Variants in ARFGEF1 observed in about 807,000 individuals in gnomAD.
ARFGEF1 encodes ARF guanine nucleotide exchange factor 1, also known as brefeldin A-inhibited guanine nucleotide-exchange protein 1.
A neutral mutation model predicts 231.0 loss-of-function variants in ARFGEF1; 42 were observed. The observed-to-expected ratio is 0.18, with a 90% CI of 0.14 to 0.24. The LOEUF (loss-of-function observed/expected upper bound fraction) is 0.24, where lower values mean the gene tolerates loss of function less well. Ranked by LOEUF, ARFGEF1 falls within the 10% of genes least tolerant of loss-of-function variation. ARFGEF1 has a pLI of 1.00. For synonymous variants in ARFGEF1, 710 were observed against 732.3 expected, an observed-to-expected ratio of 0.97 and a Z score of 0.49; for missense variants, 1,345 against 2,192.0, an observed-to-expected ratio of 0.61 and a Z score of 7.72.
Position 67,343,349 on chromosome 8 carries a change from A to G in ARFGEF1, c.-62T>C, listed in dbSNP as rs976928067. On this transcript the variant is annotated 5_prime_UTR_variant, in exon 1 of 39. Coordinates refer to ENST00000262215, the MANE Select transcript of ARFGEF1 (RefSeq NM_006421.5). ...CGGCTCCCAGCGGCTGGAGGGGAGG[A>G]GGAGGAGAGGAAGGAAGAGAAGAGA... 6.6e-7 allele frequency: 1 copy of G among 1,525,176 alleles called. No individual in the cohort carries two copies. Among genetic ancestry groups the G allele is most frequent in the Non-Finnish European group, 8.9e-7 (1 of 1,126,566 alleles). The allele number at this position is 1,525,176 out of a possible 1,614,324, so 94.5% of individuals were successfully genotyped here.
chr8:67,236,145 C>CA lies in ARFGEF1; in HGVS notation c.3289+2197dup, dbSNP rs745626401. 2.3e-4 allele frequency among the ~76,000 whole-genome samples: 34 copies of CA among 149,800 alleles called. 1 individual carries two copies. The East Asian group carries it at 2.4e-3, about 10-fold the overall frequency. On this transcript the variant is annotated intron_variant, in intron 22 of 38. Transcript: ENST00000262215. The stretch of plus-strand genomic sequence containing the variant: ...CCCTGTCTCTACTAAAACAAACAAA[C>CA]AAACAAACAAACAACAAAAAAAATT...
At chr8:67,323,250 TCAA>T (rs112920519) in intron 1 of ARFGEF1, among the ~76,000 whole-genome samples, 232 of 151,990 alleles carry the variant, frequency 1.5e-3, no homozygotes, top group East Asian at 7.1e-3. Context: ...AGACTCCATC[TCAA>T]CAACAACAAC....
intron 25 of ARFGEF1, 100 bp from the exon 26 acceptor site, chr8:67,227,698 T>C (rs1383767581): frequency 5.4e-6 from 7 of 1,289,742 alleles, no homozygotes; most frequent in Non-Finnish European, 7.5e-6. Flanking sequence ...ATAGCATAGA[T>C]AGGTAAATCC....
At chr8:67,325,440 C>G (rs1043890285) in intron 1 of ARFGEF1, among the ~76,000 whole-genome samples, 2 of 152,150 alleles carry the variant, frequency 1.3e-5, no homozygotes. Flanking sequence ...TATCTATTGT[C>G]TCCTTACAAC....
chr8:67,201,620 A>C lies in ARFGEF1; in HGVS notation c.5129-15T>G. 1 of 1,612,666 alleles carries C rather than the reference A, an allele frequency of 6.2e-7. No individual in the cohort carries two copies. The highest frequency in any genetic ancestry group is 8.5e-7 in the Non-Finnish European group (1 of 1,179,688). On this transcript the variant is annotated splice_polypyrimidine_tract_variant and intron_variant, in intron 36 of 38. Transcript: ENST00000262215. ...GCCTTTGAATCCTGCAGAAAAGGGA[A>C]GTTTCTGGGATTAGTTTGGGAAGGC...
At position 67,223,857 on chromosome 8, in the gene ARFGEF1, C is replaced by A. The variant is rs1037049117; in HGVS notation, c.4208+1046G>T. 8.5e-5 allele frequency among the ~76,000 whole-genome samples: 13 copies of A among 152,134 alleles called. No individual in the cohort carries two copies. In the East Asian group the frequency reaches 2.5e-3, roughly 29 times the overall value. ...GAAATGGGGCTATCTTGAATTTTAA[C>A]AAGTTCCTAACAGGTCCACTGATAA... On this transcript the variant is annotated intron_variant, in intron 29 of 38. Coordinates refer to ENST00000262215, the MANE Select transcript of ARFGEF1 (RefSeq NM_006421.5).
intron 33 of ARFGEF1, among the ~76,000 whole-genome samples, chr8:67,214,337 A>G (rs1306310272): frequency 6.6e-6 from 1 of 152,218 alleles, no homozygotes; most frequent in Non-Finnish European, 1.5e-5. Flanking sequence ...TGGAAAGCAG[A>G]ATTCTAAGTG....
chr8:67,340,710 G>A, intron 1 of ARFGEF1, among the ~76,000 whole-genome samples: 1 of 152,140 alleles, frequency 6.6e-6, no homozygotes, highest in Non-Finnish European at 1.5e-5. Context: ...TACGAAATGT[G>A]GGAAAAAATG....
At chr8:67,237,712 G>A (rs987315549) in intron 22 of ARFGEF1, among the ~76,000 whole-genome samples, 2 of 151,942 alleles carry the variant, frequency 1.3e-5, no homozygotes, top group African/African-American at 2.4e-5. Flanking sequence ...ATTGAATCTC[G>A]GCGAACTAAA....
chr8:67,343,088 A>AGC, intron 1 of ARFGEF1, 76 bp downstream of exon 1: 33 of 399,124 alleles, frequency 8.3e-5, no homozygotes, highest in Non-Finnish European at 1.1e-4. Context: ...GCCCCGGGCG[A>AGC]CCCCACCCCC....
chr8:67,229,692 G>A (rs1839493456), intron 23 of ARFGEF1, among the ~76,000 whole-genome samples: 1 of 152,016 alleles, frequency 6.6e-6, no homozygotes, highest in South Asian at 2.1e-4. Context: ...AAACAAAAAT[G>A]AAAACTGCCA....
At chr8:67,232,723 C>T (rs1031569197) in intron 23 of ARFGEF1, 132 bp downstream of exon 23, 9 of 669,806 alleles carry the variant, frequency 1.3e-5, no homozygotes, top group Middle Eastern at 4.1e-4. Context: ...TAAATCACAG[C>T]ATATCACAAT....
intron 19 of ARFGEF1, among the ~76,000 whole-genome samples, chr8:67,246,546 T>C (rs925525297): frequency 6.7e-6 from 1 of 150,124 alleles, no homozygotes; most frequent in Non-Finnish European, 1.5e-5. Flanking sequence ...AATTGAAAAA[T>C]TTATTGAAAC....
At chr8:67,258,618 G>A (rs994444151) in intron 15 of ARFGEF1, among the ~76,000 whole-genome samples, 3 of 152,008 alleles carry the variant, frequency 2.0e-5, no homozygotes, top group East Asian at 1.9e-4. Context: ...CACTGTGCCC[G>A]GCCAGAAATT....
intron 34 of ARFGEF1, among the ~76,000 whole-genome samples, chr8:67,208,953 G>A (rs12675683): frequency 6.6e-6 from 1 of 152,152 alleles, no homozygotes; most frequent in African/African-American, 2.4e-5. Flanking sequence ...AAAAGGCGCT[G>A]GCAAAGATGT....
chr8:67,314,357 C>A (rs1177069560), intron 1 of ARFGEF1, among the ~76,000 whole-genome samples: 2 of 152,178 alleles, frequency 1.3e-5, no homozygotes, highest in Non-Finnish European at 2.9e-5. Flanking sequence ...TTTTACCCCC[C>A]TGCTCCTCTA....
chr8:67,236,386 A>G (rs1587106298), intron 22 of ARFGEF1, among the ~76,000 whole-genome samples: 1 of 97,266 alleles, frequency 1.0e-5, no homozygotes, highest in Non-Finnish European at 2.1e-5. Flanking sequence ...ATATATATAT[A>G]TATATATATA....
intron 29 of ARFGEF1, among the ~76,000 whole-genome samples, chr8:67,220,897 C>CT (rs60939328): frequency 0.29 from 41,326 of 140,170 alleles, 7,088 homozygotes; most frequent in African/African-American, 0.49. Context: ...TTTTCCTTTT[C>CT]TTTTTTTTTT....
Position 67,211,529 on chromosome 8 carries a change from A to G in ARFGEF1, c.4773T>C (p.Ser1591=). The G allele has an allele frequency of 6.3e-7, 1 of 1,596,466 alleles. No individual in the cohort carries two copies. Among genetic ancestry groups the G allele is most frequent in the Non-Finnish European group, 8.5e-7 (1 of 1,173,216 alleles). ...VDNRPQAPLV[S]ASAVNEEVSK... ...TGACTTCTTCATTAACAGCAGACGC[A>G]GAAACCAGTGGTGCTTGTGGTCTGT... Residue 1591 remains serine (S), a synonymous_variant, in exon 34 of 39, where the codon TCT becomes TCC. Transcript: ENST00000262215.
Sources: gnomAD v4.1 joint callset for allele counts (sites outside exome capture counted in the v4.1 genomes callset) on GRCh38, gnomAD v4.1.1 for gene constraint, MANE v1.5 for transcripts, NCBI Gene and HGNC (gene_info 2026-07-23, HGNC 2026-07-21) for gene names.